ZMYND11: variants seen among roughly 807,000 people sequenced by gnomAD.
ZMYND11 encodes the protein zinc finger MYND domain-containing protein 11.
ZMYND11 carries 9 observed loss-of-function variants against 84.9 expected under a neutral mutation model. That is an observed-to-expected ratio of 0.11 (90% CI 0.06 to 0.18). The LOEUF is 0.18. ZMYND11 is among the 10% of genes least tolerant of loss of function. The probability of loss-of-function intolerance (pLI) is 1.00; values close to 1 mark genes in which losing one functional copy is unlikely to be tolerated. For missense variants in ZMYND11, 409 were observed against 761.0 expected, an observed-to-expected ratio of 0.54 and a Z score of 5.44; for synonymous variants, 250 against 244.1, an observed-to-expected ratio of 1.02 and a Z score of -0.23.
intron 4 of ZMYND11, among the ~76,000 whole-genome samples, chr10:222,745 T>C (rs1255150939): frequency 6.6e-6 from 1 of 151,810 alleles, no homozygotes; most frequent in Non-Finnish European, 1.5e-5. Flanking sequence ...CACATGGGGA[T>C]CCTAATATGG....
chr10:211,821 G>T (rs1945298799), intron 3 of ZMYND11, among the ~76,000 whole-genome samples: 1 of 152,154 alleles, frequency 6.6e-6, no homozygotes, highest in African/African-American at 2.4e-5. Flanking sequence ...AAGCTTTGCT[G>T]CCAGTGAAGA....
chr10:209,230 T>G (rs1944739530), intron 2 of ZMYND11, among the ~76,000 whole-genome samples: 1 of 152,192 alleles, frequency 6.6e-6, no homozygotes, highest in Non-Finnish European at 1.5e-5. Context: ...TTATTCTCAG[T>G]GATCCAGGGT....
intron 1 of ZMYND11, among the ~76,000 whole-genome samples, chr10:157,128 A>G (rs191225371): frequency 7.8e-4 from 119 of 152,360 alleles, no homozygotes; most frequent in African/African-American, 2.6e-3. Context: ...AAAATATGGT[A>G]AAATGTTAAA....
At position 249,020 on chromosome 10, in the gene ZMYND11, G is replaced by T; in HGVS notation, c.1618G>T (p.Val540Leu). Reference protein sequence around the residue: ...QVKEKCKEEFVEEIKKLATQH... With the variant: ...QVKEKCKEEFLEEIKKLATQH... ...AAAGGAAAAGTGTAAGGAAGAATTT[G>T]TAGAAGAAATCAAGAAGCTGGCAAC... The change falls in exon 14 of 15, where the codon GTA (valine) becomes TTA (leucine). Residue 540 changes from valine (V) to leucine (L), a missense_variant. By Grantham distance (32) the Val-to-Leu change is conservative. Coordinates refer to ENST00000381604, the MANE Select transcript of ZMYND11 (RefSeq NM_001370100.5). The T allele has an allele frequency of 6.2e-7, 1 of 1,614,232 alleles. No individual in the cohort carries two copies.
At chr10:161,257 T>G (rs1304843135) in intron 1 of ZMYND11, among the ~76,000 whole-genome samples, 1 of 152,212 alleles carries the variant, frequency 6.6e-6, no homozygotes, top group East Asian at 1.9e-4. Flanking sequence ...GCAGTAATAT[T>G]TTGAAAGGAA....
chr10:186,800 G>C (rs1254430638), intron 2 of ZMYND11, among the ~76,000 whole-genome samples: 1 of 151,962 alleles, frequency 6.6e-6, no homozygotes, highest in Non-Finnish European at 1.5e-5. Flanking sequence ...GAACTTATCT[G>C]TTCTGAATGT....
intron 1 of ZMYND11, chr10:148,859 G>A (rs1290810812): frequency 6.6e-6 from 1 of 152,162 alleles, no homozygotes; most frequent in African/African-American, 2.4e-5. Flanking sequence ...TAGACCTTAG[G>A]TGATAACATA....
intron 1 of ZMYND11, among the ~76,000 whole-genome samples, chr10:169,378 G>T (rs1031485988): frequency 6.6e-6 from 1 of 152,004 alleles, no homozygotes; most frequent in Non-Finnish European, 1.5e-5. Flanking sequence ...AGTACATAAC[G>T]TTGACCTTTC....
chr10:250,906 C>T (rs1036359252), intron 14 of ZMYND11, among the ~76,000 whole-genome samples: 5 of 152,058 alleles, frequency 3.3e-5, no homozygotes, highest in African/African-American at 9.7e-5. Flanking sequence ...GCCTGAAACC[C>T]CAGCTACTTG....
chr10:249,058 A>G lies in ZMYND11; in HGVS notation c.1656A>G (p.Gln552=). The change falls in exon 14 of 15, where the codon CAA becomes CAG. Residue 552 remains glutamine, a synonymous_variant. Coordinates refer to ENST00000381604, the MANE Select transcript of ZMYND11 (RefSeq NM_001370100.5). ...EIKKLATQHK[Q]LISQTKKKQW... is the part of the protein sequence containing the mutation. ...AGAAGCTGGCAACACAGCACAAGCA[A>G]CTGATTTCTCAGACCAAGAAGAAGC... 1 of 1,614,250 alleles carries G rather than the reference A, an allele frequency of 6.2e-7. No homozygotes were observed. Among genetic ancestry groups the G allele is most frequent in the East Asian group, 2.2e-5 (1 of 44,886 alleles).
intron 1 of ZMYND11, among the ~76,000 whole-genome samples, chr10:176,974 A>G (rs1846771727): frequency 6.6e-6 from 1 of 152,196 alleles, no homozygotes; most frequent in East Asian, 1.9e-4. Context: ...TTAAGTAATC[A>G]GCTCTCTGTA....
At position 240,075 on chromosome 10, in the gene ZMYND11, C is replaced by T. The variant is rs1449063885; in HGVS notation, c.717C>T (p.Asp239=). 1.2e-6 allele frequency: 2 copies of T among 1,611,954 alleles called. No individual in the cohort carries two copies. The highest frequency in any genetic ancestry group is 2.2e-5 in the South Asian group (2 of 90,590). ...TTACAGCAGACAGTGAGCAAGCTGACATTGCGAGGATGCTATATAAAGACA... is the reference window on the plus strand; with the variant it reads ...TTACAGCAGACAGTGAGCAAGCTGATATTGCGAGGATGCTATATAAAGACA... ...IFYGADSEQA[D]IARMLYKDTC... is the part of the protein sequence containing the mutation. Residue 239 remains aspartate (D), a synonymous_variant, in exon 8 of 15, where the codon GAC becomes GAT. Coordinates refer to ENST00000381604, the MANE Select transcript of ZMYND11 (RefSeq NM_001370100.5).
intron 2 of ZMYND11, among the ~76,000 whole-genome samples, chr10:201,416 A>T (rs928579684): frequency 9.9e-5 from 15 of 152,078 alleles, no homozygotes; most frequent in Non-Finnish European, 2.9e-5. Flanking sequence ...TGTTTTTATT[A>T]ATGTGCTCAT....
At chr10:135,061 G>T (rs1468024537), upstream of ZMYND11, 1 of 149,178 alleles carries the variant, frequency 6.7e-6, no homozygotes, top group Non-Finnish European at 1.5e-5. This position sits in a 1 kb window ranked among gnomAD's most constrained non-coding sequence, Gnocchi z 5.6. Flanking sequence ...AGGGGCCGGT[G>T]GGGCCGAGCG....
chr10:212,799 A>G (rs1945486667), intron 3 of ZMYND11, among the ~76,000 whole-genome samples: 1 of 152,212 alleles, frequency 6.6e-6, no homozygotes, highest in Non-Finnish European at 1.5e-5. Flanking sequence ...TACTAATTAT[A>G]CAAGCAAAAA....
chr10:148,090 G>A (rs1424174593), intron 1 of ZMYND11: 1 of 152,332 alleles, frequency 6.6e-6, no homozygotes, highest in Non-Finnish European at 1.5e-5. Flanking sequence ...TTTATCCCTG[G>A]TGTTTATCTG....
intron 4 of ZMYND11, among the ~76,000 whole-genome samples, chr10:221,882 A>AT (rs967357555): frequency 2.0e-5 from 3 of 152,018 alleles, no homozygotes; most frequent in African/African-American, 7.2e-5. Flanking sequence ...AATTCTAATT[A>AT]TTTTTTTAAA....
At chr10:208,735 GA>G (rs1242261163) in intron 2 of ZMYND11, among the ~76,000 whole-genome samples, 2 of 152,182 alleles carry the variant, frequency 1.3e-5, no homozygotes, top group African/African-American at 2.4e-5. Flanking sequence ...TCAGAGAACA[GA>G]ACGTTAGCCC....
At chr10:197,624 A>C (rs1942123944) in intron 2 of ZMYND11, among the ~76,000 whole-genome samples, 1 of 152,220 alleles carries the variant, frequency 6.6e-6, no homozygotes, top group Admixed American at 6.5e-5. Context: ...AAAGCAAATC[A>C]GTTGCCTAGG....
Sources: allele counts gnomAD v4.1 joint callset (sites outside exome capture counted in the v4.1 genomes callset), GRCh38; gene constraint gnomAD v4.1.1; non-coding constraint Gnocchi (gnomAD v3.1); transcripts MANE v1.5; gene names NCBI Gene and HGNC (gene_info 2026-07-23, HGNC 2026-07-21).